Variants in CHRM3 observed in about 807,000 individuals in gnomAD.
CHRM3 encodes cholinergic receptor muscarinic 3.
A neutral mutation model predicts 41.8 loss-of-function variants in CHRM3; 11 were observed. That is an observed-to-expected ratio of 0.26 (90% CI 0.17 to 0.44). The LOEUF (loss-of-function observed/expected upper bound fraction) is 0.44. CHRM3 is among the 20% of genes least tolerant of loss of function. The pLI is 1.00. For synonymous variants in CHRM3, 297 were observed against 301.4 expected, an observed-to-expected ratio of 0.99 and a Z score of 0.15; for missense variants, 571 against 745.4, an observed-to-expected ratio of 0.77 and a Z score of 2.72.
intron 1 of CHRM3, among the ~76,000 whole-genome samples, chr1:239,468,421 TATA>T: frequency 6.6e-6 from 1 of 152,348 alleles, no homozygotes; most frequent in South Asian, 2.1e-4. Context: ...TATTTTAAAG[TATA>T]ATTTTTCTTC....
chr1:239,543,325 A>G (rs1353203190), intron 2 of CHRM3, among the ~76,000 whole-genome samples: 1 of 152,144 alleles, frequency 6.6e-6, no homozygotes, highest in South Asian at 2.1e-4. Context: ...GCTGTCCCCA[A>G]AGAAATACCC....
In CHRM3 at chr1:239,886,183, C is replaced by T. The variant is rs552130528; in HGVS notation, c.-19-21250C>T. 2.0e-5 allele frequency: 3 copies of T among 152,192 alleles called. No homozygotes were observed. The South Asian group carries it at 6.2e-4, about 32-fold the overall frequency. 9.4% of individuals were successfully genotyped at this position (152,192 alleles called of 1,614,324 possible). A position where few individuals can be genotyped will look rare whatever the true frequency, so the allele number is the denominator to read the frequency against. On this transcript the variant is annotated intron_variant, in intron 6 of 6. Coordinates refer to ENST00000676153, the MANE Select transcript of CHRM3 (RefSeq NM_001375978.1). ...TTGAGACAGAAACTGAGCGTCGAAC[C>T]TCATTTTCTCTCGTACCCAAACCTT...
At chr1:239,788,803 C>A (rs1366075109) in intron 5 of CHRM3, among the ~76,000 whole-genome samples, 1 of 151,836 alleles carries the variant, frequency 6.6e-6, no homozygotes, top group Non-Finnish European at 1.5e-5. Flanking sequence ...CAAGTGATAA[C>A]CCTGAGCGAA....
chr1:239,798,888 G>C (rs927784795), intron 5 of CHRM3, among the ~76,000 whole-genome samples: 2 of 152,134 alleles, frequency 1.3e-5, no homozygotes, highest in Non-Finnish European at 2.9e-5. Flanking sequence ...TTTGATCCTA[G>C]GGGAAAACTG....
chr1:239,631,300 C>G (rs896288812), intron 3 of CHRM3, among the ~76,000 whole-genome samples: 5 of 152,164 alleles, frequency 3.3e-5, no homozygotes, highest in Admixed American at 1.3e-4. Flanking sequence ...GCAGAGGTTT[C>G]ACTAGGCTCC....
intron 1 of CHRM3, among the ~76,000 whole-genome samples, chr1:239,432,042 G>T (rs1253546604): frequency 2.0e-5 from 3 of 152,006 alleles, no homozygotes; most frequent in Admixed American, 2.0e-4. Flanking sequence ...TCTCATCCCG[G>T]AAGGATGTGG....
At position 239,891,722 on chromosome 1, in the gene CHRM3, AAAGG is replaced by A. The variant is rs1214339928; in HGVS notation, c.-19-15710_-19-15707del. Among the ~76,000 whole-genome samples the A allele has an allele frequency of 9.8e-5, 15 of 152,288 alleles. No homozygotes were observed. In the East Asian group the frequency reaches 2.7e-3, roughly 27 times the overall value. Reference sequence around the variant, plus strand: ...TTGAGTTTCCAGCCCTCTGACTGTCAAAGGGTGAAGCAGAGGACACGAAAACCCT... The same window carrying A: ...TTGAGTTTCCAGCCCTCTGACTGTCAGTGAAGCAGAGGACACGAAAACCCT... On this transcript the variant is annotated intron_variant, in intron 6 of 6. Transcript: ENST00000676153.
intron 6 of CHRM3, among the ~76,000 whole-genome samples, chr1:239,895,705 A>C (rs2102974626): frequency 6.6e-6 from 1 of 152,344 alleles, no homozygotes; most frequent in East Asian, 1.9e-4. Context: ...TCCTAAGCAA[A>C]GTAATGCAAG....
At chr1:239,520,822 T>C (rs1476712490) in intron 2 of CHRM3, among the ~76,000 whole-genome samples, 2 of 152,240 alleles carry the variant, frequency 1.3e-5, no homozygotes, top group Non-Finnish European at 2.9e-5. Flanking sequence ...ATGTATTTGC[T>C]GAGGCATTTG....
At chr1:239,883,513 G>A (rs1572586644) in intron 6 of CHRM3, among the ~76,000 whole-genome samples, 1 of 152,074 alleles carries the variant, frequency 6.6e-6, no homozygotes, top group East Asian at 1.9e-4. Flanking sequence ...TGCTCTCTAT[G>A]TGCTGAGCAT....
rs149541343 is a variant in CHRM3, at chr1:239,728,376, C to T, written c.-147+50088C>T. Among the ~76,000 whole-genome samples the T allele has an allele frequency of 8.9e-3, 1,358 of 152,030 alleles. 18 individuals are homozygous for T. The highest frequency in any genetic ancestry group is 0.031 in the African/African-American group (1,287 of 41,516). ...ACATGCCTATTCTGTAACCAACTCT[C>T]TGATAAAGGAAGTAATGTAGGTACA... On this transcript the variant is annotated intron_variant, in intron 5 of 6. Transcript: ENST00000676153.
chr1:239,395,752 G>A (rs1659426403), intron 1 of CHRM3, among the ~76,000 whole-genome samples: 1 of 152,128 alleles, frequency 6.6e-6, no homozygotes, highest in Non-Finnish European at 1.5e-5. Flanking sequence ...TTTTAGCTTT[G>A]TATCTTTTCT....
chr1:239,750,215 T>A (rs949667552), intron 5 of CHRM3, among the ~76,000 whole-genome samples: 19 of 152,140 alleles, frequency 1.2e-4, no homozygotes, highest in African/African-American at 4.3e-4. Flanking sequence ...GGCAGATGAT[T>A]TAGTAAATGT....
intron 1 of CHRM3, among the ~76,000 whole-genome samples, chr1:239,478,712 A>G (rs928638441): frequency 6.6e-6 from 1 of 152,214 alleles, no homozygotes; most frequent in Non-Finnish European, 1.5e-5. Context: ...GTGAATGGAA[A>G]TTGTTTAAGC....
chr1:239,831,453 C>T (rs886937846), intron 6 of CHRM3, among the ~76,000 whole-genome samples: 2 of 152,062 alleles, frequency 1.3e-5, no homozygotes, highest in African/African-American at 4.8e-5. Context: ...CTGGAAGGAA[C>T]CGTTTTTCTT....
intron 5 of CHRM3, among the ~76,000 whole-genome samples, chr1:239,686,178 A>T (rs796865433): frequency 4.1e-4 from 62 of 152,174 alleles, no homozygotes; most frequent in African/African-American, 1.4e-3. Context: ...CTATAATTTT[A>T]AAAAAATGGA....
intron 5 of CHRM3, among the ~76,000 whole-genome samples, chr1:239,773,081 G>A (rs1201255720): frequency 2.0e-5 from 3 of 152,126 alleles, no homozygotes; most frequent in African/African-American, 7.2e-5. Flanking sequence ...TTTTGACACT[G>A]AAATTTAAAA....
intron 5 of CHRM3, among the ~76,000 whole-genome samples, chr1:239,777,779 C>T (rs1572261475): frequency 6.6e-6 from 1 of 152,180 alleles, no homozygotes; most frequent in Non-Finnish European, 1.5e-5. Flanking sequence ...GGTTTAAAAC[C>T]TATTCTAGGT....
At chr1:239,843,075 A>C (rs948114902) in intron 6 of CHRM3, among the ~76,000 whole-genome samples, 1 of 152,180 alleles carries the variant, frequency 6.6e-6, no homozygotes, top group Non-Finnish European at 1.5e-5. Flanking sequence ...TTCTTGTCCC[A>C]ACTTGCCTTT....
Sources: gnomAD v4.1 joint callset for allele counts (sites outside exome capture counted in the v4.1 genomes callset) on GRCh38, gnomAD v4.1.1 for gene constraint, MANE v1.5 for transcripts, NCBI Gene and HGNC (gene_info 2026-07-23, HGNC 2026-07-21) for gene names.